Variants in KTN1 observed in about 807,000 individuals in gnomAD.
The protein encoded by KTN1 is kinectin 1.
Under a neutral mutation model 222.5 loss-of-function variants are expected in KTN1, and 130 were observed. The observed-to-expected ratio is 0.58, with a 90% CI of 0.51 to 0.68. The LOEUF (loss-of-function observed/expected upper bound fraction) is 0.68. KTN1 is among the 30% of genes least tolerant of loss of function. The probability of loss-of-function intolerance (pLI) is 0.00; values close to 1 mark genes in which losing one functional copy is unlikely to be tolerated. For missense variants in KTN1, 1,508 were observed against 1,500.4 expected, an observed-to-expected ratio of 1.01 and a Z score of -0.08; for synonymous variants, 512 against 496.3, an observed-to-expected ratio of 1.03 and a Z score of -0.42.
chr14:55,674,248 A>G (rs2045704692), intron 40 of KTN1: 1 of 152,050 alleles, frequency 6.6e-6, no homozygotes. Context: ...GCTTGGAACC[A>G]GCAATTTTGG....
rs537963133 is a variant in KTN1 at position 55,637,504 on chromosome 14, C to T, written c.1716+140C>T. On this transcript the variant is annotated intron_variant, in intron 11 of 43. Transcript: ENST00000395314. ...TAATTATAACTTTGTCTTTTGAGCA[C>T]TTGTCACAATATGGTGTGTTTGAAG... The T allele has an allele frequency of 8.4e-5, 60 of 713,308 alleles. No homozygotes were observed. In the South Asian group the frequency reaches 1.3e-3, roughly 16 times the overall value. The allele number at this position is 713,308 out of a possible 1,614,324, so 44.2% of individuals were successfully genotyped here.
rs779786472 is a variant in KTN1 at position 55,640,951 on chromosome 14, T to C, written c.2002T>C (p.Leu668=). Residue 668 remains leucine (L), a synonymous_variant, in exon 16 of 44, where the codon TTG becomes CTG. Coordinates refer to ENST00000395314, the MANE Select transcript of KTN1 (RefSeq NM_001079521.2). ...CACACAGGCTGCTGCTGCACATGAATTGGAGAAGATGCAACAAAGGTGACT... is the reference window on the plus strand; with the variant it reads ...CACACAGGCTGCTGCTGCACATGAACTGGAGAAGATGCAACAAAGGTGACT... ...ANEQAAAAHE[L]EKMQQSVYVK... 1.2e-6 allele frequency: 2 copies of C among 1,611,758 alleles called. No homozygotes were observed. Among genetic ancestry groups the C allele is most frequent in the African/African-American group, 1.3e-5 (1 of 74,860 alleles).
At chr14:55,655,176 CCTGT>C (rs2043342072) in intron 28 of KTN1, among the ~76,000 whole-genome samples, 2 of 151,996 alleles carry the variant, frequency 1.3e-5, no homozygotes, top group South Asian at 4.2e-4. Context: ...ACAGAGTCTC[CCTGT>C]GTTGCCCAGG....
chr14:55,594,499 T>G (rs1020977080), intron 1 of KTN1, among the ~76,000 whole-genome samples: 6 of 135,978 alleles, frequency 4.4e-5, no homozygotes, highest in East Asian at 4.3e-4. Flanking sequence ...CAGAGTAGAG[T>G]TTTTTTTTTT....
In KTN1 at chr14:55,625,682, G is replaced by C. The variant is rs1225082379; in HGVS notation, c.964-2230G>C. On this transcript the variant is annotated intron_variant, in intron 5 of 43. Transcript: ENST00000395314. ...CCTGGGATTTTGTCAAAAAATTTTCGAAATTTTGGCAAGTTAACATGCTTT... is the reference window on the plus strand; with the variant it reads ...CCTGGGATTTTGTCAAAAAATTTTCCAAATTTTGGCAAGTTAACATGCTTT... Among the ~76,000 whole-genome samples, 6 of 152,002 alleles carry C rather than the reference G, an allele frequency of 3.9e-5. No homozygotes were observed. In the South Asian group the frequency reaches 1.2e-3, roughly 31 times the overall value.
chr14:55,644,145 A>G, intron 18 of KTN1: 1 of 392,306 alleles, frequency 2.5e-6, no homozygotes, highest in Non-Finnish European at 4.6e-6. Context: ...ACAAAGAATC[A>G]TTTCTGTGGC....
chr14:55,658,607 A>G lies in KTN1; in HGVS notation c.2954A>G (p.Tyr985Cys). The G allele has an allele frequency of 6.2e-7, 1 of 1,601,512 alleles. No homozygotes were observed. The highest frequency in any genetic ancestry group is 2.2e-5 in the East Asian group (1 of 44,626). Residue 985 changes from tyrosine (Y) to cysteine (C), a missense_variant, in exon 30 of 44, where the codon TAC (tyrosine) becomes TGC (cysteine). Physicochemically the swap from Tyr to Cys is radical, Grantham distance 194 (BLOSUM62 -2). Transcript: ENST00000395314. ...SQIEQLKQQN[Y>C]QQASSFPPHE... ...ATTGAGCAGCTTAAACAACAAAACT[A>G]CCAACAGGTAGGTATTATTAGATGT...
At chr14:55,657,397 G>GTTTTTTTTTTTTTTTTTTTTTTTTTTTT (rs35297700) in intron 29 of KTN1, among the ~76,000 whole-genome samples, 6 of 137,666 alleles carry the variant, frequency 4.4e-5, no homozygotes, top group African/African-American at 1.6e-4. Context: ...CTGAGTTGAC[G>GTTTTTTTTTTTTTTTTTTTTTTTTTTTT]TTTTTTTTTT....
chr14:55,644,621 A>G lies in KTN1; in HGVS notation c.2173-2352A>G, dbSNP rs560332353. 1.3e-3 allele frequency among the ~76,000 whole-genome samples: 194 copies of G among 148,030 alleles called. 1 individual carries two copies. Among genetic ancestry groups the G allele is most frequent in the African/African-American group, 4.8e-3 (193 of 40,002 alleles). On this transcript the variant is annotated intron_variant, in intron 18 of 43. Transcript: ENST00000395314. ...TTTTGACTTTTAGTGAAGGAGCAGC[A>G]TGACATTCTTATTCCAGTAGATTTT...
intron 34 of KTN1, among the ~76,000 whole-genome samples, chr14:55,669,540 A>AT (rs1349510112): frequency 1.3e-5 from 2 of 151,876 alleles, no homozygotes; most frequent in African/African-American, 4.8e-5. Context: ...AAATATATAA[A>AT]TTTTTTTACT....
chr14:55,656,675 C>T (rs1032248994), intron 29 of KTN1, among the ~76,000 whole-genome samples: 2 of 152,082 alleles, frequency 1.3e-5, no homozygotes, highest in African/African-American at 2.4e-5. Flanking sequence ...GCATGTTGGC[C>T]AGACTGGTCT....
At chr14:55,665,768 C>T (rs1355232801) in intron 33 of KTN1, among the ~76,000 whole-genome samples, 1 of 151,940 alleles carries the variant, frequency 6.6e-6, no homozygotes, top group Non-Finnish European at 1.5e-5. Flanking sequence ...AGATCTTTCC[C>T]AGATGTTAAA....
At position 55,679,622 on chromosome 14, in the gene KTN1, C is replaced by T. The variant is rs1472188446; in HGVS notation, c.4006C>T (p.Gln1336Ter). ...TCTAAATCAGACTGTAACACAGTTA[C>T]AGCAGTTGCTTCAGGCGGTAAACCA... ...VSLNQTVTQL[Q>*]QLLQAVNQQL... Residue 1336 changes from glutamine (Q) to a stop codon, truncating the protein, a stop_gained, in exon 43 of 44, where the codon CAG (glutamine) becomes TAG (stop). Coordinates refer to ENST00000395314, the MANE Select transcript of KTN1 (RefSeq NM_001079521.2). LOFTEE classifies it high-confidence loss of function. 1 of 1,612,618 alleles carries T rather than the reference C, an allele frequency of 6.2e-7. No homozygotes were observed. The highest frequency in any genetic ancestry group is 8.5e-7 in the Non-Finnish European group (1 of 1,178,622).
chr14:55,581,442 G>GGTGTGTGTGTGTGTGTGA lies in KTN1; in HGVS notation c.-31+1102_-31+1119dup, dbSNP rs1555352518. On this transcript the variant is annotated intron_variant, in intron 1 of 43. Coordinates refer to ENST00000395314, the MANE Select transcript of KTN1 (RefSeq NM_001079521.2). ...AGCTACGGTTGAAGTTAACTGTTAA[G>GGTGTGTGTGTGTGTGTGA]GTGTGTGTGTGTGTGTGAGTGTGTG... 2.7e-4 allele frequency among the ~76,000 whole-genome samples: 40 copies of GGTGTGTGTGTGTGTGTGA among 150,770 alleles called. 1 individual carries two copies. The highest frequency in any genetic ancestry group is 9.7e-4 in the African/African-American group (40 of 41,194).
chr14:55,626,012 TATA>T (rs2039773621), intron 5 of KTN1, among the ~76,000 whole-genome samples: 2 of 152,324 alleles, frequency 1.3e-5, no homozygotes, highest in Admixed American at 1.3e-4. Context: ...GTAATTGTAC[TATA>T]ATATGGCTTG....
chr14:55,620,372 C>T (rs2038972877), intron 5 of KTN1, among the ~76,000 whole-genome samples: 1 of 152,330 alleles, frequency 6.6e-6, no homozygotes, highest in East Asian at 1.9e-4. Flanking sequence ...CACAGCTCCA[C>T]TGGGCAGTGC....
chr14:55,671,274 T>C, intron 35 of KTN1: 1 of 339,036 alleles, frequency 2.9e-6, no homozygotes. Context: ...CTCTTTCCCA[T>C]GTGTGTAGCA....
At chr14:55,665,281 C>T (rs1012608478) in intron 33 of KTN1, among the ~76,000 whole-genome samples, 5 of 151,926 alleles carry the variant, frequency 3.3e-5, no homozygotes, top group Non-Finnish European at 5.9e-5. Context: ...TGGTTAAGAG[C>T]CACCTTTTTG....
At chr14:55,583,855 A>G (rs940396991) in intron 1 of KTN1, among the ~76,000 whole-genome samples, 10 of 152,212 alleles carry the variant, frequency 6.6e-5, no homozygotes, top group African/African-American at 2.4e-4. Context: ...GTTTCCATCA[A>G]ACATTCAGGT....
Sources: gnomAD v4.1 joint callset for allele counts (sites outside exome capture counted in the v4.1 genomes callset) on GRCh38, gnomAD v4.1.1 for gene constraint, MANE v1.5 for transcripts, NCBI Gene and HGNC (gene_info 2026-07-23, HGNC 2026-07-21) for gene names.